IGF1R: variants seen among roughly 807,000 people sequenced by gnomAD.
IGF1R encodes the protein insulin like growth factor 1 receptor.
A neutral mutation model predicts 144.6 loss-of-function variants in IGF1R; 44 were observed. That is an observed-to-expected ratio of 0.30 (90% CI 0.24 to 0.39). IGF1R has a LOEUF of 0.39. IGF1R is among the 10% of genes least tolerant of loss of function. IGF1R has a pLI of 1.00. For missense variants in IGF1R, 1,355 were observed against 1,833.7 expected (o/e 0.74, Z 4.77); for synonymous variants, 795 against 722.8 (o/e 1.10, Z -1.60).
chr15:98,828,686 C>T (rs1001632775), intron 2 of IGF1R, among the ~76,000 whole-genome samples: 1 of 151,216 alleles, frequency 6.6e-6, no homozygotes, highest in South Asian at 2.1e-4. Flanking sequence ...TGAAGACACA[C>T]AGACATGAGG....
chr15:98,821,560 G>C (rs2056803300), intron 2 of IGF1R, among the ~76,000 whole-genome samples: 1 of 152,176 alleles, frequency 6.6e-6, no homozygotes. Context: ...GCGTGAGGGA[G>C]GCGTTAAATG....
rs17847206 is a variant in IGF1R at position 98,923,791 on chromosome 15, G to T, written c.2486-85G>T. 2.1e-3 allele frequency: 2,260 copies of T among 1,064,476 alleles called. 40 individuals are homozygous for T. The East Asian group carries it at 0.037, about 17-fold the overall frequency. 65.9% of individuals were successfully genotyped at this position (1,064,476 alleles called of 1,614,324 possible). The stretch of plus-strand genomic sequence containing the variant: ...CTCCACTGTCCTGCCCGTGTGGATG[G>T]GGGGGTTATTCTCAGGTCAGCCCAG... On this transcript the variant is annotated intron_variant, in intron 11 of 20. Coordinates refer to ENST00000650285, the MANE Select transcript of IGF1R (RefSeq NM_000875.5).
chr15:98,650,076 C>CT (rs1555427990), intron 1 of IGF1R, among the ~76,000 whole-genome samples: 2 of 152,152 alleles, frequency 1.3e-5, no homozygotes, highest in Non-Finnish European at 2.9e-5. Context: ...CGCTGATCCC[C>CT]TGCGGCGCGC....
chr15:98,652,486 A>C (rs1176271737), intron 1 of IGF1R, among the ~76,000 whole-genome samples: 7 of 152,260 alleles, frequency 4.6e-5, no homozygotes, highest in African/African-American at 1.7e-4. Flanking sequence ...GGAGAGACAT[A>C]GCAAGCAAAT....
intron 2 of IGF1R, among the ~76,000 whole-genome samples, chr15:98,811,956 C>T (rs1013130141): frequency 6.6e-6 from 1 of 152,192 alleles, no homozygotes; most frequent in African/African-American, 2.4e-5. Flanking sequence ...AAGGTAATTA[C>T]CCTTTTGAAT....
intron 2 of IGF1R, among the ~76,000 whole-genome samples, chr15:98,826,468 C>T (rs994608945): frequency 3.9e-5 from 6 of 152,068 alleles, no homozygotes; most frequent in Admixed American, 2.0e-4. Flanking sequence ...AAAAATGCAA[C>T]GACTGTAATT....
intron 2 of IGF1R, chr15:98,873,624 A>G (rs1344305016): frequency 6.6e-6 from 1 of 152,208 alleles, no homozygotes; most frequent in Non-Finnish European, 1.5e-5. Flanking sequence ...TTTAATATAA[A>G]GTGTTTACAC....
intron 1 of IGF1R, among the ~76,000 whole-genome samples, chr15:98,699,654 TAA>T (rs2053678436): frequency 6.6e-6 from 1 of 152,182 alleles, no homozygotes; most frequent in Non-Finnish European, 1.5e-5. Context: ...GAATTCCCGT[TAA>T]AGTTTCCATG....
chr15:98,939,908 G>C (rs1402184852), intron 18 of IGF1R, among the ~76,000 whole-genome samples: 3 of 152,188 alleles, frequency 2.0e-5, no homozygotes, highest in Admixed American at 2.0e-4. Context: ...GCTGGGGCTG[G>C]CCAGCCTCCA....
At position 98,960,043 on chromosome 15, in the gene IGF1R, T is replaced by C. The variant is rs2017163840; in HGVS notation, c.*2601T>C. On this transcript the variant is annotated 3_prime_UTR_variant, in exon 21 of 21. Coordinates refer to ENST00000650285, the MANE Select transcript of IGF1R (RefSeq NM_000875.5). ...ACAGTTCTTGATTTTTTGGGTTTTT[T>C]TTCCCCCAAACATTTATCTACCTCA... 1.3e-5 allele frequency: 3 copies of C among 233,442 alleles called. No individual in the cohort carries two copies. The highest frequency in any genetic ancestry group is 5.6e-5 in the Admixed American group (1 of 17,778). 14.5% of individuals were successfully genotyped at this position (233,442 alleles called of 1,614,324 possible).
chr15:98,887,319 GTT>G lies in IGF1R; in HGVS notation c.641-3996_641-3995del, dbSNP rs58958023. 1.3e-5 allele frequency among the ~76,000 whole-genome samples: 2 copies of G among 149,160 alleles called. 1 individual carries two copies. The highest frequency in any genetic ancestry group is 1.3e-4 in the Admixed American group (2 of 15,072). ...GAATATATCTACAGGTACTTTGTCA[GTT>G]TTTTTTTTTCTTTTCTTTCTCATCC... is the stretch of plus-strand genomic sequence containing the variant. On this transcript the variant is annotated intron_variant, in intron 2 of 20. Transcript: ENST00000650285.
chr15:98,786,796 G>GGT (rs2056008367), intron 2 of IGF1R, among the ~76,000 whole-genome samples: 2 of 152,188 alleles, frequency 1.3e-5, no homozygotes, highest in African/African-American at 4.8e-5. Context: ...TGATCAGGCA[G>GGT]GTGCCTGCAT....
rs3833014 is a variant in IGF1R at position 98,960,905 on chromosome 15, G to GC, written c.*3471dup. On this transcript the variant is annotated 3_prime_UTR_variant, in exon 21 of 21. Coordinates refer to ENST00000650285, the MANE Select transcript of IGF1R (RefSeq NM_000875.5). ...CCGGCGCCGAGGCTCGTGGCGTCAC[G>GC]CCCCCCCCGCCAGGGCTGTACCTCC... 12,887 of 232,176 alleles carry GC rather than the reference G, an allele frequency of 0.056. 430 individuals are homozygous for GC. The highest frequency in any genetic ancestry group is 0.095 in the East Asian group (1,557 of 16,410). 14.4% of individuals were successfully genotyped at this position (232,176 alleles called of 1,614,324 possible).
At chr15:98,684,377 T>G (rs2053269417) in intron 1 of IGF1R, among the ~76,000 whole-genome samples, 1 of 151,694 alleles carries the variant, frequency 6.6e-6, no homozygotes, top group Non-Finnish European at 1.5e-5. Context: ...GTGGGGTTTT[T>G]TTTGTTTGTT....
chr15:98,952,766 A>G (rs1194416795), intron 20 of IGF1R: 1 of 152,188 alleles, frequency 6.6e-6, no homozygotes, highest in Non-Finnish European at 1.5e-5. Flanking sequence ...CTCAGCATAG[A>G]GTGACAAGGA....
intron 20 of IGF1R, among the ~76,000 whole-genome samples, chr15:98,949,109 C>G (rs959652329): frequency 3.3e-5 from 5 of 152,218 alleles, no homozygotes; most frequent in African/African-American, 9.7e-5. Flanking sequence ...CGCGCCCCAC[C>G]TGTGGCAGGC....
At chr15:98,656,238 C>A (rs7170329) in intron 1 of IGF1R, among the ~76,000 whole-genome samples, 1 of 152,076 alleles carries the variant, frequency 6.6e-6, no homozygotes, top group East Asian at 1.9e-4. Flanking sequence ...CACACTGCAG[C>A]GATAGCTGGG....
At chr15:98,686,609 G>A (rs1459665342) in intron 1 of IGF1R, among the ~76,000 whole-genome samples, 3 of 151,396 alleles carry the variant, frequency 2.0e-5, no homozygotes, top group Non-Finnish European at 2.9e-5. Flanking sequence ...GATGTGAGGT[G>A]GTATCTCATT....
intron 2 of IGF1R, among the ~76,000 whole-genome samples, chr15:98,766,118 C>T (rs758089719): frequency 3.3e-5 from 5 of 152,168 alleles, no homozygotes; most frequent in South Asian, 4.1e-4. Context: ...CAGGCAGGTA[C>T]GGAGCAGTTC....
Sources: gnomAD v4.1 joint callset for allele counts (sites outside exome capture counted in the v4.1 genomes callset) on GRCh38, gnomAD v4.1.1 for gene constraint, MANE v1.5 for transcripts, NCBI Gene and HGNC (gene_info 2026-07-23, HGNC 2026-07-21) for gene names.